Variants in TAFA1 observed in about 807,000 individuals in gnomAD.
The protein encoded by TAFA1 is TAFA chemokine like family member 1.
A neutral mutation model predicts 18.5 loss-of-function variants in TAFA1; 4 were observed. That is an observed-to-expected ratio of 0.22 (90% CI 0.11 to 0.49). TAFA1 has a LOEUF of 0.49. Ranked by LOEUF, TAFA1 falls within the 20% of genes least tolerant of loss-of-function variation. The pLI, the probability that TAFA1 is intolerant of heterozygous loss-of-function variation, is 0.98. For missense variants in TAFA1, 147 were observed against 169.0 expected, an observed-to-expected ratio of 0.87 and a Z score of 0.72; for synonymous variants, 56 against 55.2, an observed-to-expected ratio of 1.01 and a Z score of -0.06.
At chr3:68,344,000 C>T (rs997029309) in intron 2 of TAFA1, among the ~76,000 whole-genome samples, 9 of 152,188 alleles carry the variant, frequency 5.9e-5, no homozygotes, top group South Asian at 2.1e-4. Context: ...TGCGCCACCA[C>T]GCCTGGTTAA....
intron 2 of TAFA1, among the ~76,000 whole-genome samples, chr3:68,126,126 G>C (rs2065462167): frequency 6.6e-6 from 1 of 151,998 alleles, no homozygotes; most frequent in Admixed American, 6.6e-5. Flanking sequence ...CTGATTTCTG[G>C]GGACCCAAAG....
At chr3:68,257,678 A>C (rs112160992) in intron 2 of TAFA1, among the ~76,000 whole-genome samples, 38 of 152,272 alleles carry the variant, frequency 2.5e-4, no homozygotes, top group Non-Finnish European at 4.7e-4. Flanking sequence ...CTTAGAAGGG[A>C]CTGTTACATC....
chr3:68,180,954 A>C (rs944347406), intron 2 of TAFA1, among the ~76,000 whole-genome samples: 17 of 152,086 alleles, frequency 1.1e-4, no homozygotes, highest in Non-Finnish European at 2.2e-4. Flanking sequence ...TTTTGCTGGC[A>C]CTCTTGGTCT....
intron 3 of TAFA1, among the ~76,000 whole-genome samples, chr3:68,439,056 G>A (rs1307852988): frequency 3.9e-5 from 6 of 151,982 alleles, no homozygotes; most frequent in Non-Finnish European, 8.8e-5. Context: ...ATTGTCTTAT[G>A]GAATAATACT....
At chr3:68,083,663 C>G (rs748478298) in intron 2 of TAFA1, among the ~76,000 whole-genome samples, 52 of 152,186 alleles carry the variant, frequency 3.4e-4, no homozygotes, top group Non-Finnish European at 5.9e-4. Context: ...AGCATCACTG[C>G]AGATCTGAGC....
At chr3:68,089,911 G>A (rs756851506) in intron 2 of TAFA1, among the ~76,000 whole-genome samples, 2 of 152,168 alleles carry the variant, frequency 1.3e-5, no homozygotes, top group Admixed American at 6.5e-5. Context: ...GACTCACAGA[G>A]CTATTATACG....
At chr3:68,306,669 A>G (rs190796421) in intron 2 of TAFA1, among the ~76,000 whole-genome samples, 157 of 152,254 alleles carry the variant, frequency 1.0e-3, no homozygotes, top group African/African-American at 3.7e-3. Flanking sequence ...GAACTACATT[A>G]TGTAAAAATC....
intron 2 of TAFA1, among the ~76,000 whole-genome samples, chr3:68,298,058 G>T (rs1180857244): frequency 2.6e-5 from 4 of 152,128 alleles, no homozygotes; most frequent in Admixed American, 6.6e-5. Flanking sequence ...CCTTGCACTT[G>T]GAGATGTTTT....
At chr3:68,171,670 G>C (rs1202678864) in intron 2 of TAFA1, among the ~76,000 whole-genome samples, 1 of 152,126 alleles carries the variant, frequency 6.6e-6, no homozygotes, top group Admixed American at 6.5e-5. Context: ...ATATGTTTAA[G>C]GGACTAAAAT....
intron 3 of TAFA1, among the ~76,000 whole-genome samples, chr3:68,529,466 A>AG (rs2073157599): frequency 1.6e-5 from 2 of 121,626 alleles, no homozygotes; most frequent in Non-Finnish European, 3.6e-5. Flanking sequence ...AAAAAAAAAA[A>AG]GAACACAAGC....
At chr3:68,498,721 G>GTT (rs1559694779) in intron 3 of TAFA1, among the ~76,000 whole-genome samples, 8 of 101,720 alleles carry the variant, frequency 7.9e-5, no homozygotes, top group African/African-American at 3.7e-4. Context: ...CCGTTTGGTG[G>GTT]CTTTTTTTTT....
At chr3:68,069,539 C>G (rs1347875647) in intron 2 of TAFA1, among the ~76,000 whole-genome samples, 1 of 152,140 alleles carries the variant, frequency 6.6e-6, no homozygotes, top group Admixed American at 6.5e-5. Context: ...TTCCACCCCT[C>G]ACCCCTCCCA....
intron 2 of TAFA1, among the ~76,000 whole-genome samples, chr3:68,119,618 A>G (rs1274532440): frequency 1.3e-5 from 2 of 151,758 alleles, no homozygotes; most frequent in African/African-American, 2.4e-5. Context: ...TCTCAACACT[A>G]TTTGTGGAAT....
intron 2 of TAFA1, among the ~76,000 whole-genome samples, chr3:68,027,709 A>G (rs946944933): frequency 2.3e-4 from 35 of 152,160 alleles, no homozygotes; most frequent in African/African-American, 7.9e-4. Context: ...GTTATTTTCT[A>G]TCATGTTAGA....
chr3:68,339,781 C>T (rs986627019), intron 2 of TAFA1, among the ~76,000 whole-genome samples: 4 of 152,158 alleles, frequency 2.6e-5, no homozygotes, highest in Non-Finnish European at 4.4e-5. Flanking sequence ...AGGCCAGCCT[C>T]TAATCAGTGG....
intron 3 of TAFA1, among the ~76,000 whole-genome samples, chr3:68,490,881 C>T (rs1375464234): frequency 1.3e-5 from 2 of 150,660 alleles, no homozygotes; most frequent in Non-Finnish European, 2.9e-5. Context: ...CTCTGTCAAC[C>T]CAGGCTGGAG....
At chr3:68,389,809 T>C (rs968348197) in intron 2 of TAFA1, among the ~76,000 whole-genome samples, 1 of 152,110 alleles carries the variant, frequency 6.6e-6, no homozygotes, top group Non-Finnish European at 1.5e-5. Context: ...GACTGTGCTG[T>C]GCGGGATGGT....
chr3:68,493,071 G>A (rs999746603), intron 3 of TAFA1, among the ~76,000 whole-genome samples: 1 of 152,018 alleles, frequency 6.6e-6, no homozygotes, highest in Non-Finnish European at 1.5e-5. Flanking sequence ...CATTCATATT[G>A]TTGTGCAAAT....
chr3:68,440,213 A>G (rs1468382032), intron 3 of TAFA1, among the ~76,000 whole-genome samples: 2 of 152,120 alleles, frequency 1.3e-5, no homozygotes, highest in Admixed American at 1.3e-4. Context: ...GTTTCCCTGC[A>G]CGAACTCTCT....
Sources: gnomAD v4.1 joint callset for allele counts (sites outside exome capture counted in the v4.1 genomes callset) on GRCh38, gnomAD v4.1.1 for gene constraint, MANE v1.5 for transcripts, NCBI Gene and HGNC (gene_info 2026-07-23, HGNC 2026-07-21) for gene names.